Variants in CLEC16A observed in about 807,000 individuals in gnomAD.
CLEC16A encodes the protein protein CLEC16A.
In CLEC16A, 51 loss-of-function variants were observed where a neutral mutation model predicts 109.5. That is an observed-to-expected ratio of 0.47 (90% CI 0.37 to 0.59). The LOEUF (loss-of-function observed/expected upper bound fraction) is 0.59. CLEC16A is among the 20% of genes least tolerant of loss of function. The pLI, the probability that CLEC16A is intolerant of heterozygous loss-of-function variation, is 0.00. For missense variants in CLEC16A, 1,339 were observed against 1,394.0 expected (o/e 0.96, Z 0.63); for synonymous variants, 673 against 564.2 (o/e 1.19, Z -2.73).
chr16:10,966,976 A>C (rs537648696), intron 3 of CLEC16A, among the ~76,000 whole-genome samples: 26 of 152,274 alleles, frequency 1.7e-4, no homozygotes, highest in African/African-American at 6.0e-4. Context: ...CATCTTTAAA[A>C]ACATTAAGAT....
intron 19 of CLEC16A, among the ~76,000 whole-genome samples, chr16:11,080,750 G>C (rs1439695148): frequency 6.6e-6 from 1 of 152,208 alleles, no homozygotes; most frequent in East Asian, 1.9e-4. Flanking sequence ...AAAGCCAGCA[G>C]TGGCAGGATG....
chr16:11,050,424 A>G (rs991926455), intron 17 of CLEC16A, among the ~76,000 whole-genome samples: 4 of 152,200 alleles, frequency 2.6e-5, no homozygotes, highest in Non-Finnish European at 5.9e-5. Context: ...AGGAGGGGGA[A>G]AGTGGTATGT....
intron 10 of CLEC16A, among the ~76,000 whole-genome samples, chr16:10,999,300 A>T (rs560673779): frequency 2.6e-4 from 39 of 152,300 alleles, no homozygotes; most frequent in African/African-American, 8.7e-4. Context: ...GGTATAAAAT[A>T]AAAAAAGTGT....
intron 22 of CLEC16A, among the ~76,000 whole-genome samples, chr16:11,150,662 A>C (rs536409569): frequency 6.6e-6 from 1 of 152,178 alleles, no homozygotes; most frequent in Non-Finnish European, 1.5e-5. Context: ...ATAATAGTCC[A>C]TTGTCTGAGT....
intron 11 of CLEC16A, among the ~76,000 whole-genome samples, chr16:11,011,787 C>G (rs150239898): frequency 6.6e-6 from 1 of 152,024 alleles, no homozygotes; most frequent in Admixed American, 6.6e-5. Context: ...TTTTAGAAAT[C>G]ATATGTTCAT....
At chr16:11,001,116 G>A (rs1388569738) in intron 10 of CLEC16A, among the ~76,000 whole-genome samples, 1 of 147,830 alleles carries the variant, frequency 6.8e-6, no homozygotes, top group Non-Finnish European at 1.5e-5. Flanking sequence ...TTTCTTTTTT[G>A]AGACATCTCA....
chr16:11,116,578 G>A (rs777702454), intron 19 of CLEC16A, among the ~76,000 whole-genome samples: 1 of 152,136 alleles, frequency 6.6e-6, no homozygotes, highest in African/African-American at 2.4e-5. Context: ...ATCTCAGACA[G>A]GTTACACTGT....
chr16:11,047,348 T>G lies in CLEC16A; in HGVS notation c.1866+6T>G. 1 of 1,606,332 alleles carries G rather than the reference T, an allele frequency of 6.2e-7. No homozygotes were observed. The highest frequency in any genetic ancestry group is 2.3e-5 in the East Asian group (1 of 44,310). ...ATGAGTATAGGAGCATGACAGTAAGTGAGGGGCTGGGACACACTTGGGCTG... is the reference window on the plus strand; with the variant it reads ...ATGAGTATAGGAGCATGACAGTAAGGGAGGGGCTGGGACACACTTGGGCTG... On this transcript the variant is annotated splice_donor_region_variant and intron_variant, in intron 17 of 23. Coordinates refer to ENST00000409790, the MANE Select transcript of CLEC16A (RefSeq NM_015226.3).
chr16:11,027,150 A>G (rs1166482205), intron 13 of CLEC16A: 8 of 1,438,634 alleles, frequency 5.6e-6, no homozygotes, highest in Non-Finnish European at 7.7e-6. Flanking sequence ...GGAGCAGAAG[A>G]AAGGAAAAGG....
chr16:11,119,579 A>T (rs1379283035), intron 19 of CLEC16A, among the ~76,000 whole-genome samples: 1 of 151,792 alleles, frequency 6.6e-6, no homozygotes, highest in Non-Finnish European at 1.5e-5. Context: ...TTTTGTAGAG[A>T]TGGGGTTTTG....
At position 10,982,801 on chromosome 16, in the gene CLEC16A, C is replaced by G; in HGVS notation, c.958-77C>G. Reference sequence around the variant, plus strand: ...CAGGACTTAGGTAGCCCAGCCTGGTCGCTTCTGATCCAGGAAGCAAGAGGT... The same window carrying G: ...CAGGACTTAGGTAGCCCAGCCTGGTGGCTTCTGATCCAGGAAGCAAGAGGT... On this transcript the variant is annotated intron_variant, in intron 9 of 23. Coordinates refer to ENST00000409790, the MANE Select transcript of CLEC16A (RefSeq NM_015226.3). The G allele has an allele frequency of 3.7e-6, 3 of 804,654 alleles. No homozygotes were observed. In the South Asian group the frequency reaches 4.5e-5, roughly 12 times the overall value. The allele number at this position is 804,654 out of a possible 1,614,324, so 49.8% of individuals were successfully genotyped here.
In CLEC16A at chr16:11,051,770, G is replaced by T. The variant is rs530514692; in HGVS notation, c.1995+129G>T. Reference sequence around the variant, plus strand: ...CAACACAGCTTAGACAGTGGATAGAGAGTACCCATTTGCCCCCAGGCATGA... The same window carrying T: ...CAACACAGCTTAGACAGTGGATAGATAGTACCCATTTGCCCCCAGGCATGA... On this transcript the variant is annotated intron_variant, in intron 18 of 23. Transcript: ENST00000409790. 4.1e-4 allele frequency: 493 copies of T among 1,214,310 alleles called. 10 individuals are homozygous for T. In the South Asian group the frequency reaches 6.6e-3, roughly 16 times the overall value. 75.2% of individuals were successfully genotyped at this position (1,214,310 alleles called of 1,614,324 possible).
chr16:11,170,732 A>C (rs1687508303), intron 23 of CLEC16A, among the ~76,000 whole-genome samples: 2 of 152,216 alleles, frequency 1.3e-5, no homozygotes. Context: ...GATTAGGATA[A>C]GTCCCTACTG....
intron 11 of CLEC16A, among the ~76,000 whole-genome samples, chr16:11,015,093 G>T (rs147138842): frequency 6.6e-6 from 1 of 152,114 alleles, no homozygotes; most frequent in Non-Finnish European, 1.5e-5. Context: ...TACCTATAAG[G>T]GTTGTTTGGA....
chr16:11,144,820 T>C (rs1332177388), intron 22 of CLEC16A, among the ~76,000 whole-genome samples: 3 of 152,176 alleles, frequency 2.0e-5, no homozygotes, highest in Non-Finnish European at 4.4e-5. Context: ...TTTTGTGCGC[T>C]GGGGCCAGTT....
At chr16:10,983,158 A>G (rs912566146) in intron 10 of CLEC16A, among the ~76,000 whole-genome samples, 167 bp downstream of exon 10, 5 of 152,196 alleles carry the variant, frequency 3.3e-5, no homozygotes, top group Non-Finnish European at 5.9e-5. Context: ...TTGCATACCC[A>G]AGAGAAGCTG....
At chr16:10,947,552 C>T (rs1169911471) in intron 1 of CLEC16A, among the ~76,000 whole-genome samples, 1 of 152,182 alleles carries the variant, frequency 6.6e-6, no homozygotes, top group East Asian at 1.9e-4. Flanking sequence ...TGACCAGGAC[C>T]CTGCGGGTTT....
chr16:11,060,874 T>C, intron 18 of CLEC16A, 28 bp from the exon 19 acceptor site: 1 of 1,576,508 alleles, frequency 6.3e-7, no homozygotes, highest in Admixed American at 1.8e-5. Flanking sequence ...AATCTCACTC[T>C]TCTCTGCTCT....
At chr16:11,051,912 G>A (rs900575180) in intron 18 of CLEC16A, among the ~76,000 whole-genome samples, 2 of 152,246 alleles carry the variant, frequency 1.3e-5, no homozygotes, top group African/African-American at 4.8e-5. Context: ...CAAGCCCTGA[G>A]CTCAGGAGTG....
Sources: gnomAD v4.1 joint callset for allele counts (sites outside exome capture counted in the v4.1 genomes callset) on GRCh38, gnomAD v4.1.1 for gene constraint, MANE v1.5 for transcripts, NCBI Gene and HGNC (gene_info 2026-07-23, HGNC 2026-07-21) for gene names.